SHROOM4: variants seen among roughly 807,000 people sequenced by gnomAD.
SHROOM4 encodes protein Shroom4.
Under a neutral mutation model 80.3 loss-of-function variants are expected in SHROOM4, and 17 were observed. That is an observed-to-expected ratio of 0.21 (90% confidence interval 0.14 to 0.32). SHROOM4 has a LOEUF of 0.32. Ranked by LOEUF, SHROOM4 falls within the 10% of genes least tolerant of loss-of-function variation. The pLI, the probability that SHROOM4 is intolerant of heterozygous loss-of-function variation, is 1.00. For missense variants in SHROOM4, 993 were observed against 1,140.3 expected (o/e 0.87, Z 1.86); for synonymous variants, 400 against 437.5 (o/e 0.91, Z 1.07).
At chrX:50,807,182 T>C (rs1569549356) in intron 1 of SHROOM4, among the ~76,000 whole-genome samples, 1 of 112,037 alleles carries the variant, frequency 8.9e-6, no homozygotes, top group East Asian at 2.8e-4. Context: ...GAGGCTTTAG[T>C]AGTAACGAAA....
intron 1 of SHROOM4, among the ~76,000 whole-genome samples, chrX:50,796,685 A>G (rs1936020248): frequency 9.0e-6 from 1 of 111,528 alleles, no homozygotes; most frequent in Non-Finnish European, 1.9e-5. Flanking sequence ...GAAGCCAGCC[A>G]GGAATCCAGA....
chrX:50,623,117 T>G (rs1413516498), intron 5 of SHROOM4, among the ~76,000 whole-genome samples: 2 of 112,230 alleles, frequency 1.8e-5, no homozygotes, highest in Non-Finnish European at 1.9e-5. Context: ...AATTGCTCCC[T>G]CTAACTATCA....
At chrX:50,702,216 A>C (rs1373416551) in intron 1 of SHROOM4, among the ~76,000 whole-genome samples, 1 of 111,924 alleles carries the variant, frequency 8.9e-6, no homozygotes, top group Non-Finnish European at 1.9e-5. Flanking sequence ...AATTAAAAAG[A>C]CTTAAGTATT....
At chrX:50,621,949 T>A (rs1930591804) in intron 5 of SHROOM4, among the ~76,000 whole-genome samples, 1 of 112,055 alleles carries the variant, frequency 8.9e-6, no homozygotes, top group Non-Finnish European at 1.9e-5. Flanking sequence ...GGTCACTTAC[T>A]TGCTGTATAA....
chrX:50,598,804 G>T (rs1929250359), intron 7 of SHROOM4, among the ~76,000 whole-genome samples: 1 of 111,409 alleles, frequency 9.0e-6, no homozygotes, highest in South Asian at 3.8e-4. Context: ...TTTACCAGAT[G>T]CAACTTAATA....
chrX:50,702,449 A>G (rs1364185230), intron 1 of SHROOM4, among the ~76,000 whole-genome samples: 1 of 112,073 alleles, frequency 8.9e-6, no homozygotes, highest in African/African-American at 3.2e-5. Context: ...CAAAACATAC[A>G]CATACAAAAA....
At chrX:50,677,404 C>T (rs1932867811) in intron 2 of SHROOM4, among the ~76,000 whole-genome samples, 1 of 111,049 alleles carries the variant, frequency 9.0e-6, no homozygotes, top group African/African-American at 3.3e-5. Flanking sequence ...TATCTCAACA[C>T]CGATATCTAG....
chrX:50,721,569 C>T (rs943040635), intron 1 of SHROOM4, among the ~76,000 whole-genome samples: 2 of 111,283 alleles, frequency 1.8e-5, no homozygotes, highest in African/African-American at 6.6e-5. Context: ...TTTAGTGCAA[C>T]CTGTTGTATC....
At chrX:50,670,783 C>G (rs1314838561) in intron 2 of SHROOM4, among the ~76,000 whole-genome samples, 2 of 111,967 alleles carry the variant, frequency 1.8e-5, no homozygotes, top group African/African-American at 6.5e-5. Context: ...TGTTTCCTGA[C>G]TTTTTAATGA....
intron 5 of SHROOM4, among the ~76,000 whole-genome samples, chrX:50,626,141 G>C (rs1444742790): frequency 9.0e-6 from 1 of 111,675 alleles, no homozygotes; most frequent in Non-Finnish European, 1.9e-5. Context: ...GTGAATAGAA[G>C]AATCTGGCTT....
chrX:50,808,463 T>G (rs782164467), intron 1 of SHROOM4, among the ~76,000 whole-genome samples: 2 of 111,741 alleles, frequency 1.8e-5, no homozygotes, highest in Non-Finnish European at 3.8e-5. Flanking sequence ...TCTTTGATTC[T>G]AGGTCTCTAC....
intron 4 of SHROOM4, among the ~76,000 whole-genome samples, chrX:50,629,118 C>T (rs1444693356): frequency 8.9e-6 from 1 of 112,052 alleles, no homozygotes; most frequent in Non-Finnish European, 1.9e-5. Context: ...CAACCACCTT[C>T]CCAGGTCCAC....
chrX:50,770,210 G>T lies in SHROOM4; in HGVS notation c.117+43692C>A, dbSNP rs782361620. On this transcript the variant is annotated intron_variant, in intron 1 of 8. Coordinates refer to ENST00000376020, the MANE Select transcript of SHROOM4 (RefSeq NM_020717.5). Reference sequence around the variant, plus strand: ...TGCCTGACTAGGTACACTCAGAGGAGATACATCCCTTTATATAAAAGAGCC... The same window carrying T: ...TGCCTGACTAGGTACACTCAGAGGATATACATCCCTTTATATAAAAGAGCC... 1.2e-3 allele frequency among the ~76,000 whole-genome samples: 133 copies of T among 111,436 alleles called. 1 individual carries two copies. Among genetic ancestry groups the T allele is most frequent in the African/African-American group, 4.1e-3 (127 of 30,650 alleles).
At position 50,590,616 on chromosome X, in the gene SHROOM4, G is replaced by A. The variant is rs1928854225; in HGVS notation, c.*6079C>T. Among the ~76,000 whole-genome samples the A allele has an allele frequency of 8.9e-6, 1 of 111,811 alleles. No individual in the cohort carries two copies. The highest frequency in any genetic ancestry group is 3.3e-5 in the African/African-American group (1 of 30,756). Reference sequence around the variant, plus strand: ...AAGGTAGCCATCTGCAAACCATAAAGTGGGCCCTCACAAGGCATTGAATCT... The same window carrying A: ...AAGGTAGCCATCTGCAAACCATAAAATGGGCCCTCACAAGGCATTGAATCT... On this transcript the variant is annotated 3_prime_UTR_variant, in exon 9 of 9. Coordinates refer to ENST00000376020, the MANE Select transcript of SHROOM4 (RefSeq NM_020717.5).
In SHROOM4 at chrX:50,610,333, TTC is replaced by T. The variant is rs781880088; in HGVS notation, c.2958-2151_2958-2150del. Among the ~76,000 whole-genome samples the T allele has an allele frequency of 2.3e-3, 215 of 92,654 alleles. 1 individual carries two copies. The highest frequency in any genetic ancestry group is 8.9e-3 in the African/African-American group (201 of 22,579). The allele number at this position is 92,654 out of a possible 115,157, so 80.5% of individuals were successfully genotyped here. A position where few individuals can be genotyped will look rare whatever the true frequency, so the allele number is the denominator to read the frequency against. ...TGTGCAAACTGTTCCACCTGGCATA[TTC>T]TCTCTCTCTCTCTCTCTCACACACA... On this transcript the variant is annotated intron_variant, in intron 5 of 8. Coordinates refer to ENST00000376020, the MANE Select transcript of SHROOM4 (RefSeq NM_020717.5).
chrX:50,803,106 C>T (rs913255585), intron 1 of SHROOM4, among the ~76,000 whole-genome samples: 3 of 112,228 alleles, frequency 2.7e-5, no homozygotes, highest in Non-Finnish European at 5.6e-5. Context: ...AGGAGAATCG[C>T]TTGAACCCGG....
intron 1 of SHROOM4, among the ~76,000 whole-genome samples, chrX:50,797,579 A>T (rs1557272228): frequency 8.9e-6 from 1 of 111,924 alleles, no homozygotes; most frequent in African/African-American, 3.2e-5. Flanking sequence ...TGACTGGGAA[A>T]CTATTCTCCG....
At chrX:50,706,559 G>T (rs1933683822) in intron 1 of SHROOM4, among the ~76,000 whole-genome samples, 1 of 111,606 alleles carries the variant, frequency 9.0e-6, no homozygotes, top group South Asian at 3.8e-4. Context: ...TATAACTGAG[G>T]TTCAGGGATA....
intron 5 of SHROOM4, among the ~76,000 whole-genome samples, chrX:50,622,148 A>G (rs1352616500): frequency 1.8e-5 from 2 of 112,135 alleles, no homozygotes; most frequent in East Asian, 5.6e-4. Context: ...CAGAATAAAC[A>G]CTCAATAAAT....
Sources: gnomAD v4.1 joint callset for allele counts (sites outside exome capture counted in the v4.1 genomes callset) on GRCh38, gnomAD v4.1.1 for gene constraint, MANE v1.5 for transcripts, NCBI Gene and HGNC (gene_info 2026-07-23, HGNC 2026-07-21) for gene names.